PRKCE: variants seen among roughly 807,000 people sequenced by gnomAD.
PRKCE encodes protein kinase C epsilon.
Under a neutral mutation model 85.4 loss-of-function variants are expected in PRKCE, and 16 were observed. The observed-to-expected ratio is 0.19, with a 90% CI of 0.13 to 0.28. The LOEUF is 0.28. Among genes scored for constraint, PRKCE ranks in the 10% least tolerant of loss-of-function variants. The pLI is 1.00. For synonymous variants in PRKCE, 388 were observed against 371.5 expected (o/e 1.04, Z -0.51); for missense variants, 573 against 975.2 (o/e 0.59, Z 5.49).
intron 11 of PRKCE, among the ~76,000 whole-genome samples, chr2:46,134,568 GTGTGC>G (rs1448361622): frequency 1.3e-5 from 2 of 152,250 alleles, no homozygotes; most frequent in Admixed American, 6.5e-5. Flanking sequence ...AAAACATTTG[GTGTGC>G]AACAGCCAGG....
intron 2 of PRKCE, among the ~76,000 whole-genome samples, chr2:45,929,435 T>TC (rs1252748374): frequency 1.3e-5 from 2 of 151,928 alleles, no homozygotes; most frequent in Non-Finnish European, 2.9e-5. Flanking sequence ...TTCCCATTTA[T>TC]CCCCCCACGG....
chr2:45,801,432 T>C (rs1334232032), intron 1 of PRKCE, among the ~76,000 whole-genome samples: 1 of 152,042 alleles, frequency 6.6e-6, no homozygotes, highest in African/African-American at 2.4e-5. Context: ...ACTGGGGCTG[T>C]GCTCATTGGA....
chr2:46,183,563 G>C (rs529354405), intron 14 of PRKCE, among the ~76,000 whole-genome samples: 18 of 152,230 alleles, frequency 1.2e-4, no homozygotes, highest in African/African-American at 4.3e-4. Context: ...TGGGGGAGAG[G>C]GGACCTGCTA....
chr2:45,927,535 C>T (rs745988196), intron 2 of PRKCE, among the ~76,000 whole-genome samples: 2 of 152,180 alleles, frequency 1.3e-5, no homozygotes, highest in African/African-American at 2.4e-5. Flanking sequence ...TAACTGCCTA[C>T]CGTGCCCCAG....
chr2:45,732,558 C>G (rs971549383), intron 1 of PRKCE, among the ~76,000 whole-genome samples: 6 of 152,066 alleles, frequency 3.9e-5, no homozygotes, highest in African/African-American at 1.2e-4. Context: ...TTATAGCTTA[C>G]TTTGGGCAGT....
intron 11 of PRKCE, among the ~76,000 whole-genome samples, chr2:46,120,340 G>C (rs976673889): frequency 6.6e-6 from 1 of 152,278 alleles, no homozygotes; most frequent in African/African-American, 2.4e-5. Flanking sequence ...GGGGCCAGGA[G>C]AGTGCTGCTG....
At chr2:45,862,866 C>T (rs56384121) in intron 2 of PRKCE, among the ~76,000 whole-genome samples, 25,991 of 152,256 alleles carry the variant, frequency 0.17, 2,614 homozygotes, top group Non-Finnish European at 0.23. Context: ...CTCAAAGCTT[C>T]GCAGGGGCTG....
At chr2:45,785,352 G>A (rs143403189) in intron 1 of PRKCE, among the ~76,000 whole-genome samples, 45 of 152,194 alleles carry the variant, frequency 3.0e-4, no homozygotes, top group Middle Eastern at 3.4e-3. Context: ...TTAGCTGGGT[G>A]TGGTGGTACA....
chr2:45,889,932 A>C (rs1220887769), intron 2 of PRKCE, among the ~76,000 whole-genome samples: 1 of 152,194 alleles, frequency 6.6e-6, no homozygotes, highest in African/African-American at 2.4e-5. Context: ...CTTTAGGCTC[A>C]AATCCTCAGT....
rs1175118685 is a variant in PRKCE at position 46,138,920 on chromosome 2, C to T, written c.1593-6173C>T. 6.6e-6 allele frequency among the ~76,000 whole-genome samples: 1 copy of T among 152,166 alleles called. No homozygotes were observed. Among genetic ancestry groups the T allele is most frequent in the Non-Finnish European group, 1.5e-5 (1 of 68,028 alleles). ...CTGGACTCAAGGGAAGCTGAAGAGC[C>T]TGGTTCTTATCACCTTCCTATAGCC... is the stretch of plus-strand genomic sequence containing the variant. On this transcript the variant is annotated intron_variant, in intron 11 of 14. Transcript: ENST00000306156. This position sits in a 1 kb window ranked among gnomAD's most constrained non-coding sequence, Gnocchi z 4.2.
intron 1 of PRKCE, among the ~76,000 whole-genome samples, chr2:45,811,370 A>G (rs547360756): frequency 6.6e-6 from 1 of 152,326 alleles, no homozygotes; most frequent in South Asian, 2.1e-4. Context: ...GTTCAGTGAA[A>G]ATAAGCATGC....
intron 1 of PRKCE, among the ~76,000 whole-genome samples, chr2:45,730,028 G>A (rs986769662): frequency 1.3e-4 from 20 of 152,166 alleles, no homozygotes; most frequent in African/African-American, 2.9e-4. Flanking sequence ...TTTTGAGTCC[G>A]TTGGTTAACC....
chr2:45,962,456 G>A (rs890703119), intron 2 of PRKCE, among the ~76,000 whole-genome samples: 1 of 152,088 alleles, frequency 6.6e-6, no homozygotes, highest in African/African-American at 2.4e-5. Context: ...TTTTTTCTCA[G>A]GTTCATTAAA....
intron 1 of PRKCE, among the ~76,000 whole-genome samples, chr2:45,799,009 T>C (rs1687653061): frequency 6.6e-6 from 1 of 151,860 alleles, no homozygotes; most frequent in South Asian, 2.1e-4. Flanking sequence ...CTACTAAAAA[T>C]ACAAAAATTA....
rs542501322 is a variant in PRKCE, at chr2:46,147,275, G to A, written c.1731+2044G>A. Among the ~76,000 whole-genome samples the A allele has an allele frequency of 5.9e-5, 9 of 152,282 alleles. No individual in the cohort carries two copies. In the East Asian group the frequency reaches 9.6e-4, roughly 16 times the overall value. Reference sequence around the variant, plus strand: ...GGGAACTGCTTTTCTCGTGTTCTTCGTTCATTCTTCATTGTCAGAATACTT... The same window carrying A: ...GGGAACTGCTTTTCTCGTGTTCTTCATTCATTCTTCATTGTCAGAATACTT... On this transcript the variant is annotated intron_variant, in intron 12 of 14. Transcript: ENST00000306156.
At chr2:45,857,825 G>A (rs1386743027) in intron 2 of PRKCE, among the ~76,000 whole-genome samples, 3 of 152,096 alleles carry the variant, frequency 2.0e-5, no homozygotes, top group Admixed American at 1.3e-4. Context: ...TTTCATCTCT[G>A]CTGTACCTTC....
At chr2:46,034,542 A>G (rs1260212467) in intron 10 of PRKCE, among the ~76,000 whole-genome samples, 1 of 152,172 alleles carries the variant, frequency 6.6e-6, no homozygotes, top group East Asian at 1.9e-4. Context: ...GCAACACCAG[A>G]ATTGGCTGCT....
At chr2:45,663,220 G>C (rs1161004271) in intron 1 of PRKCE, among the ~76,000 whole-genome samples, 2 of 152,128 alleles carry the variant, frequency 1.3e-5, no homozygotes, top group Non-Finnish European at 2.9e-5. Context: ...GCTTTTATTT[G>C]GGAAACATTA....
At chr2:45,953,620 C>T (rs1380463332) in intron 2 of PRKCE, among the ~76,000 whole-genome samples, 2 of 152,186 alleles carry the variant, frequency 1.3e-5, no homozygotes, top group East Asian at 1.9e-4. Context: ...GGTTGTCCCT[C>T]GATGCCTCTC....
Sources: gnomAD v4.1 joint callset for allele counts (sites outside exome capture counted in the v4.1 genomes callset) on GRCh38, gnomAD v4.1.1 for gene constraint, Gnocchi (gnomAD v3.1) non-coding constraint, MANE v1.5 for transcripts, NCBI Gene and HGNC (gene_info 2026-07-23, HGNC 2026-07-21) for gene names.